ARL17B: variants seen among roughly 807,000 people sequenced by gnomAD.
The protein encoded by ARL17B is ADP-ribosylation factor-like protein 17.
intron 4 of ARL17B, among the ~76,000 whole-genome samples, chr17:46,287,640 C>T (rs1167400265): frequency 2.0e-5 from 3 of 152,240 alleles, no homozygotes; most frequent in African/African-American, 7.2e-5. Flanking sequence ...GCCACTTTTT[C>T]AGTTAATATA....
chr17:46,305,765 TCAG>T (rs2050539265), intron 3 of ARL17B, among the ~76,000 whole-genome samples: 1 of 77,392 alleles, frequency 1.3e-5, no homozygotes, highest in Admixed American at 1.3e-4. Context: ...TAGTGAATCA[TCAG>T]AGAGCAGTGG....
At chr17:46,276,774 ATTTTTTTC>A (rs1173136616) in intron 4 of ARL17B, among the ~76,000 whole-genome samples, 6 of 148,488 alleles carry the variant, frequency 4.0e-5, no homozygotes, top group East Asian at 2.0e-4. Context: ...TTGCATTGTA[ATTTTTTTC>A]TTTTTTTCTT....
intron 4 of ARL17B, among the ~76,000 whole-genome samples, chr17:46,284,172 A>G (rs62071642): frequency 0.015 from 1,936 of 125,698 alleles, no homozygotes; most frequent in Middle Eastern, 0.036. Flanking sequence ...TAAGGGTGTC[A>G]GGCTGGGGGA....
At chr17:46,281,336 C>A (rs1262767718) in intron 4 of ARL17B, among the ~76,000 whole-genome samples, 1 of 151,746 alleles carries the variant, frequency 6.6e-6, no homozygotes, top group South Asian at 2.1e-4. Flanking sequence ...TGAATTTATT[C>A]TGCTAGAATT....
intron 3 of ARL17B, among the ~76,000 whole-genome samples, chr17:46,344,549 TC>T (rs2052630446): frequency 8.7e-6 from 1 of 115,344 alleles, no homozygotes; most frequent in Non-Finnish European, 1.7e-5. Context: ...GAATTTCATA[TC>T]ATGCGTTTGT....
chr17:46,298,721 C>A, downstream of ARL17B, among the ~76,000 whole-genome samples: 5 of 87,174 alleles, frequency 5.7e-5, no homozygotes, highest in Non-Finnish European at 6.7e-5. Context: ...AAGACTCCAT[C>A]TCAAAAAAAA....
At chr17:46,285,267 G>T (rs2696504) in intron 4 of ARL17B, among the ~76,000 whole-genome samples, 20,066 of 145,040 alleles carry the variant, frequency 0.14, 503 homozygotes, top group Middle Eastern at 0.21. Flanking sequence ...TTGAGACAGA[G>T]TCTCACACTG....
rs1292767383 is a variant in ARL17B at position 46,307,950 on chromosome 17, T to G, written c.260-8285A>C. On this transcript the variant is annotated intron_variant, in intron 3 of 4. Transcript: ENST00000434041. ...TCACTTGAAACCAGGAGGCGGAGGT[T>G]GCAGTGAGCCGAGATGGCACCATTG... Among the ~76,000 whole-genome samples the G allele has an allele frequency of 5.4e-5, 4 of 74,620 alleles. 2 individuals carry two copies. The highest frequency in any genetic ancestry group is 1.6e-4 in the Non-Finnish European group (4 of 24,992). 49.0% of individuals were successfully genotyped at this position (74,620 alleles called of 152,430 possible).
intron 3 of ARL17B, among the ~76,000 whole-genome samples, chr17:46,323,950 C>T (rs1205027340): frequency 2.0e-5 from 2 of 101,362 alleles, no homozygotes; most frequent in African/African-American, 6.4e-5. Context: ...AGGCTGTATA[C>T]AAACATTATG....
At chr17:46,275,894 A>AT (rs149367039) in intron 4 of ARL17B, among the ~76,000 whole-genome samples, 33,074 of 146,494 alleles carry the variant, frequency 0.23, 933 homozygotes, top group Non-Finnish European at 0.27. Context: ...TTTATTCACA[A>AT]TTTTTTTTTT....
intron 3 of ARL17B, among the ~76,000 whole-genome samples, chr17:46,307,834 G>A (rs79065004): frequency 0.016 from 1,228 of 77,956 alleles, 502 homozygotes; most frequent in Non-Finnish European, 0.038. Flanking sequence ...CCAACATGGT[G>A]AAACCTGTCT....
intron 4 of ARL17B, among the ~76,000 whole-genome samples, chr17:46,287,272 A>C (rs946132238): frequency 6.6e-6 from 1 of 152,278 alleles, no homozygotes; most frequent in African/African-American, 2.4e-5. Flanking sequence ...CTTCCTCTGA[A>C]TGAATGTGTG....
intron 4 of ARL17B, among the ~76,000 whole-genome samples, chr17:46,288,877 G>T (rs1292635740): frequency 1.4e-4 from 22 of 151,926 alleles, no homozygotes; most frequent in African/African-American, 5.3e-4. Context: ...CTAATTTTTT[G>T]TATTTTTGTT....
rs1166056919 is a variant in ARL17B, at chr17:46,323,455, G to A, written c.260-23790C>T. On this transcript the variant is annotated intron_variant, in intron 3 of 4. Coordinates refer to the ARL17B transcript ENST00000434041. Reference sequence around the variant, plus strand: ...TCTGTCGCCCAGGCTGCAGTGCAGCGGCATGACCTAGGCTCACTGCAACCT... The same window carrying A: ...TCTGTCGCCCAGGCTGCAGTGCAGCAGCATGACCTAGGCTCACTGCAACCT... Among the ~76,000 whole-genome samples, 7 of 98,858 alleles carry A rather than the reference G, an allele frequency of 7.1e-5. 1 individual carries two copies. The highest frequency in any genetic ancestry group is 2.6e-4 in the East Asian group (1 of 3,892). 64.9% of individuals were successfully genotyped at this position (98,858 alleles called of 152,430 possible).
At chr17:46,316,668 T>C (rs2051138023) in intron 3 of ARL17B, among the ~76,000 whole-genome samples, 1 of 62,632 alleles carries the variant, frequency 1.6e-5, no homozygotes, top group African/African-American at 4.2e-5. Flanking sequence ...CAGAGGGGGA[T>C]TTGGCAGGGT....
intron 4 of ARL17B, among the ~76,000 whole-genome samples, chr17:46,276,852 G>A (rs2049603549): frequency 2.1e-5 from 3 of 141,832 alleles, no homozygotes; most frequent in Non-Finnish European, 3.0e-5. Context: ...AGCCCAGTCT[G>A]GAGTGCAGTG....
intron 4 of ARL17B, among the ~76,000 whole-genome samples, chr17:46,289,029 G>T (rs2049996252): frequency 1.3e-5 from 2 of 151,956 alleles, no homozygotes; most frequent in Non-Finnish European, 2.9e-5. Context: ...TATGCATTTT[G>T]CCATACTTTT....
intron 4 of ARL17B, among the ~76,000 whole-genome samples, chr17:46,291,192 T>A (rs977750942): frequency 1.3e-5 from 2 of 152,258 alleles, no homozygotes; most frequent in African/African-American, 4.8e-5. Flanking sequence ...CATATATTTT[T>A]ATAACATCGT....
At chr17:46,340,210 T>G (rs1192672914) in intron 3 of ARL17B, among the ~76,000 whole-genome samples, 1 of 84,286 alleles carries the variant, frequency 1.2e-5, no homozygotes, top group African/African-American at 3.2e-5. Context: ...TTGTTTGTTT[T>G]TTTTTCTTTT....
Sources: gnomAD v4.1 joint callset for allele counts (sites outside exome capture counted in the v4.1 genomes callset) on GRCh38, gnomAD v4.1.1 for gene constraint, MANE v1.5 for transcripts, NCBI Gene and HGNC (gene_info 2026-07-23, HGNC 2026-07-21) for gene names.